Variants in TNIK observed in about 807,000 individuals in gnomAD.
TNIK encodes TRAF2 and NCK-interacting protein kinase.
In TNIK, 49 loss-of-function variants were observed where a neutral mutation model predicts 191.3. The ratio of observed to expected loss-of-function variants is 0.26; its 90% CI spans 0.20 to 0.32. The LOEUF (loss-of-function observed/expected upper bound fraction) is 0.32. Among genes scored for constraint, TNIK ranks in the 10% least tolerant of loss-of-function variants. The pLI is 1.00. For synonymous variants in TNIK, 594 were observed against 600.9 expected, an observed-to-expected ratio of 0.99 and a Z score of 0.17; for missense variants, 1,155 against 1,702.3, an observed-to-expected ratio of 0.68 and a Z score of 5.66.
intron 17 of TNIK, among the ~76,000 whole-genome samples, chr3:171,124,210 G>T (rs941864505): frequency 6.6e-6 from 1 of 152,196 alleles, no homozygotes; most frequent in Non-Finnish European, 1.5e-5. Flanking sequence ...TCATATGTTG[G>T]TGAGCTCAGA....
intron 28 of TNIK, among the ~76,000 whole-genome samples, chr3:171,077,238 C>T (rs1720086231): frequency 6.6e-6 from 1 of 152,104 alleles, no homozygotes; most frequent in Admixed American, 6.6e-5. Flanking sequence ...CATTGTCCCA[C>T]TCTGCCAGGA....
chr3:171,369,818 T>C (rs1716251254), intron 1 of TNIK, 133 bp from the exon 2 acceptor site: 1 of 568,990 alleles, frequency 1.8e-6, no homozygotes, highest in Admixed American at 3.3e-5. Context: ...GTGTTAACAT[T>C]TAATACTATC....
At chr3:171,082,604 TAGC>T in intron 26 of TNIK, 1 of 596,896 alleles carries the variant, frequency 1.7e-6, no homozygotes. Context: ...TTTATAAAGT[TAGC>T]AGCATTCATA....
At chr3:171,114,032 G>C (rs199713109) in intron 18 of TNIK, among the ~76,000 whole-genome samples, 1 of 148,866 alleles carries the variant, frequency 6.7e-6, no homozygotes, top group Non-Finnish European at 1.5e-5. Context: ...CATTCTCAAG[G>C]CTTCTATAAA....
chr3:171,260,218 C>T (rs2109124663), intron 2 of TNIK, among the ~76,000 whole-genome samples: 1 of 152,226 alleles, frequency 6.6e-6, no homozygotes, highest in East Asian at 1.9e-4. Context: ...TAGGTTTCCA[C>T]CTGCTAACCC....
At chr3:171,302,508 G>T (rs1752991620) in intron 2 of TNIK, among the ~76,000 whole-genome samples, 1 of 152,158 alleles carries the variant, frequency 6.6e-6, no homozygotes. Context: ...GTCAATGTGG[G>T]TAAGTGTACC....
At chr3:171,222,211 TATA>T (rs1183731831) in intron 3 of TNIK, among the ~76,000 whole-genome samples, 1 of 152,170 alleles carries the variant, frequency 6.6e-6, no homozygotes, top group Non-Finnish European at 1.5e-5. Flanking sequence ...TTTCTCATCC[TATA>T]ATAAGATGTC....
At chr3:171,090,406 TTTTC>T (rs1382233985) in intron 23 of TNIK, among the ~76,000 whole-genome samples, 1 of 150,616 alleles carries the variant, frequency 6.6e-6, no homozygotes, top group Non-Finnish European at 1.5e-5. Flanking sequence ...ATGTTCTTTT[TTTTC>T]TTTCTTTTCT....
At chr3:171,432,288 A>G (rs1725477586) in intron 1 of TNIK, among the ~76,000 whole-genome samples, 1 of 152,256 alleles carries the variant, frequency 6.6e-6, no homozygotes, top group Admixed American at 6.5e-5. Flanking sequence ...GGATACAAAA[A>G]TAAATAAGGA....
At chr3:171,139,671 A>C in intron 13 of TNIK, 115 bp from the exon 14 acceptor site, 2 of 821,880 alleles carry the variant, frequency 2.4e-6, no homozygotes, top group Non-Finnish European at 4.1e-6. Context: ...GGAGGGGAAA[A>C]ATACCCAAAT....
chr3:171,085,140 CTCTTCA>C lies in TNIK; in HGVS notation c.2970_2975del (p.Asp990_Glu991del). On this transcript the variant is annotated inframe_deletion, in exon 25 of 33. Transcript: ENST00000436636. ...TACCTGCGGCTGATGATTCCTCATC[CTCTTCA>C]TCTTCATCAGTGGGAGACGTCTGGT... 10 of 1,610,562 alleles carry C rather than the reference CTCTTCA, an allele frequency of 6.2e-6. No individual in the cohort carries two copies. The highest frequency in any genetic ancestry group is 8.5e-6 in the Non-Finnish European group (10 of 1,178,398).
chr3:171,085,859 G>C (rs191014040), intron 24 of TNIK, among the ~76,000 whole-genome samples: 14 of 152,286 alleles, frequency 9.2e-5, no homozygotes. Flanking sequence ...GGGACTTCAT[G>C]AGGATATTAC....
At chr3:171,239,455 C>CGGA (rs1311165131) in intron 2 of TNIK, among the ~76,000 whole-genome samples, 1 of 152,178 alleles carries the variant, frequency 6.6e-6, no homozygotes, top group African/African-American at 2.4e-5. Context: ...CACCATTCAC[C>CGGA]ACCTTTTAGA....
chr3:171,077,173 G>A (rs751096674), intron 28 of TNIK, among the ~76,000 whole-genome samples: 1 of 148,688 alleles, frequency 6.7e-6, no homozygotes, highest in Non-Finnish European at 1.5e-5. Flanking sequence ...AAACGCAGCA[G>A]GTCATCTATT....
intron 2 of TNIK, among the ~76,000 whole-genome samples, chr3:171,355,398 CAAA>C (rs1316424495): frequency 6.6e-6 from 1 of 152,140 alleles, no homozygotes; most frequent in Non-Finnish European, 1.5e-5. Flanking sequence ...CAAGTGGGTA[CAAA>C]ATGGTAGAAC....
intron 28 of TNIK, among the ~76,000 whole-genome samples, chr3:171,074,140 A>G (rs1440171916): frequency 6.6e-6 from 1 of 151,932 alleles, no homozygotes; most frequent in African/African-American, 2.4e-5. Flanking sequence ...GGTTGATTAG[A>G]TAAAGAAACT....
rs1728858529 is a variant in TNIK, at chr3:171,128,886, C to CAAAAAA, written c.1609-9_1609-8insTTTTTT. 9 of 1,202,220 alleles carry CAAAAAA rather than the reference C, an allele frequency of 7.5e-6. No homozygotes were observed. Among genetic ancestry groups the CAAAAAA allele is most frequent in the Admixed American group, 7.4e-5 (2 of 27,070 alleles). 74.5% of individuals were successfully genotyped at this position (1,202,220 alleles called of 1,614,324 possible). A position where few individuals can be genotyped will look rare whatever the true frequency, so the allele number is the denominator to read the frequency against. ...CCTTGACCGTTCTTCTACCTACAAC[C>CAAAAAA]CAAAAAAAAAAAAAAAAAAAAGACA... On this transcript the variant is annotated splice_polypyrimidine_tract_variant and intron_variant, in intron 15 of 32. Transcript: ENST00000436636.
chr3:171,165,246 C>G (rs1734468335), intron 10 of TNIK, among the ~76,000 whole-genome samples: 1 of 151,642 alleles, frequency 6.6e-6, no homozygotes, highest in Non-Finnish European at 1.5e-5. Flanking sequence ...GCAGTGAGCA[C>G]TCCAGCCTGA....
intron 3 of TNIK, among the ~76,000 whole-genome samples, 186 bp downstream of exon 3, chr3:171,227,979 C>T (rs963250229): frequency 2.0e-5 from 3 of 152,120 alleles, no homozygotes; most frequent in African/African-American, 4.8e-5. Context: ...TGTAGGCTAA[C>T]GTAAGTGTTC....
Sources: allele counts gnomAD v4.1 joint callset (sites outside exome capture counted in the v4.1 genomes callset), GRCh38; gene constraint gnomAD v4.1.1; transcripts MANE v1.5; gene names NCBI Gene and HGNC (gene_info 2026-07-23, HGNC 2026-07-21).